DOCK4: variants seen among roughly 807,000 people sequenced by gnomAD.
DOCK4 encodes the protein dedicator of cytokinesis protein 4.
DOCK4 carries 97 observed loss-of-function variants against 268.1 expected under a neutral mutation model. The ratio of observed to expected loss-of-function variants is 0.36; its 90% CI spans 0.31 to 0.43. The LOEUF (loss-of-function observed/expected upper bound fraction) is 0.43, where lower values mean the gene tolerates loss of function less well. Ranked by LOEUF, DOCK4 falls within the 20% of genes least tolerant of loss-of-function variation. The pLI, the probability that DOCK4 is intolerant of heterozygous loss-of-function variation, is 1.00. For synonymous variants in DOCK4, 954 were observed against 887.2 expected (o/e 1.08, Z -1.34); for missense variants, 2,145 against 2,455.7 (o/e 0.87, Z 2.67).
intron 1 of DOCK4, among the ~76,000 whole-genome samples, chr7:112,024,690 T>C (rs941155347): frequency 1.3e-5 from 2 of 152,146 alleles, no homozygotes; most frequent in African/African-American, 4.8e-5. Flanking sequence ...CCTCAGTCAA[T>C]TCTCCACTGA....
At chr7:111,849,746 G>A (rs531129262) in intron 23 of DOCK4, among the ~76,000 whole-genome samples, 11 of 152,140 alleles carry the variant, frequency 7.2e-5, no homozygotes, top group Non-Finnish European at 1.0e-4. Context: ...TGGAGCAGGG[G>A]TCCCCAGAGT....
At chr7:112,063,947 T>C (rs1416669941) in intron 1 of DOCK4, among the ~76,000 whole-genome samples, 1 of 152,232 alleles carries the variant, frequency 6.6e-6, no homozygotes, top group Admixed American at 6.5e-5. Context: ...GGGCTATCTT[T>C]GAGACCTCTC....
At chr7:111,795,480 TA>T (rs1019126805) in intron 30 of DOCK4, among the ~76,000 whole-genome samples, 1 of 152,112 alleles carries the variant, frequency 6.6e-6, no homozygotes, top group African/African-American at 2.4e-5. Flanking sequence ...GGAGAAAGCC[TA>T]AGAGTACACA....
chr7:111,995,797 C>A (rs1231749734), intron 4 of DOCK4, among the ~76,000 whole-genome samples: 4 of 152,100 alleles, frequency 2.6e-5, no homozygotes. Context: ...CTCCTCATTT[C>A]GCAGTGCTGC....
At chr7:111,857,994 T>A (rs1199058591) in intron 23 of DOCK4, among the ~76,000 whole-genome samples, 2 of 152,200 alleles carry the variant, frequency 1.3e-5, no homozygotes, top group Non-Finnish European at 2.9e-5. Flanking sequence ...ACCAATCTAT[T>A]TAGATTCCAA....
intron 16 of DOCK4, among the ~76,000 whole-genome samples, chr7:111,892,934 G>T (rs1338348091): frequency 1.3e-5 from 2 of 152,174 alleles, no homozygotes; most frequent in African/African-American, 4.8e-5. Context: ...GCTACTTGGG[G>T]TTTTTTCTGT....
At chr7:111,926,953 A>G (rs942893626) in intron 12 of DOCK4, among the ~76,000 whole-genome samples, 3 of 152,220 alleles carry the variant, frequency 2.0e-5, no homozygotes, top group African/African-American at 7.2e-5. Flanking sequence ...GAAGAAAGAA[A>G]ACACTTTTAT....
intron 8 of DOCK4, among the ~76,000 whole-genome samples, chr7:111,951,365 G>A (rs1796031624): frequency 6.6e-6 from 1 of 152,156 alleles, no homozygotes; most frequent in Admixed American, 6.5e-5. Flanking sequence ...CAGTGAGAAA[G>A]CAGAAGCTAG....
intron 1 of DOCK4, among the ~76,000 whole-genome samples, chr7:112,192,880 C>T (rs1186440334): frequency 1.3e-5 from 2 of 151,890 alleles, no homozygotes; most frequent in South Asian, 4.2e-4. Context: ...AAAAAAAATG[C>T]AACAAGTAAA....
At chr7:111,869,546 T>A (rs1385714907) in intron 21 of DOCK4, 28 bp downstream of exon 21, 1 of 1,595,518 alleles carries the variant, frequency 6.3e-7, no homozygotes. Flanking sequence ...TTTGTTAGAC[T>A]CTGCTGTTAT....
At chr7:111,845,491 T>C (rs1430703971) in intron 24 of DOCK4, among the ~76,000 whole-genome samples, 2 of 152,170 alleles carry the variant, frequency 1.3e-5, no homozygotes, top group African/African-American at 4.8e-5. Flanking sequence ...GTTAATAGTA[T>C]CCACGCCCCA....
At chr7:111,829,160 A>G (rs1802623780) in intron 26 of DOCK4, among the ~76,000 whole-genome samples, 1 of 152,204 alleles carries the variant, frequency 6.6e-6, no homozygotes, top group South Asian at 2.1e-4. Context: ...CAAAACCCCA[A>G]GTAACTCTCC....
At chr7:112,098,475 C>A (rs1465760736) in intron 1 of DOCK4, among the ~76,000 whole-genome samples, 2 of 150,642 alleles carry the variant, frequency 1.3e-5, no homozygotes, top group Non-Finnish European at 3.0e-5. Context: ...CAGCGTCCAG[C>A]CTATAAATTA....
At chr7:111,933,069 TATATATACAC>T (rs1316134188) in intron 12 of DOCK4, among the ~76,000 whole-genome samples, 1 of 148,062 alleles carries the variant, frequency 6.8e-6, no homozygotes, top group African/African-American at 2.5e-5. Flanking sequence ...TATATATACA[TATATATACAC>T]ATATATATAC....
chr7:112,034,019 C>G (rs1173697625), intron 1 of DOCK4, among the ~76,000 whole-genome samples: 2 of 152,136 alleles, frequency 1.3e-5, no homozygotes, highest in East Asian at 3.9e-4. Context: ...CGTTTTGGCT[C>G]TCAGCTCTCT....
intron 1 of DOCK4, among the ~76,000 whole-genome samples, chr7:112,048,570 C>T (rs200358834): frequency 4.9e-5 from 7 of 144,014 alleles, no homozygotes; most frequent in Non-Finnish European, 1.1e-4. Context: ...CTCAAAAAAA[C>T]AAAAAAAAAC....
intron 1 of DOCK4, among the ~76,000 whole-genome samples, chr7:112,004,369 C>T (rs1011260718): frequency 2.6e-5 from 4 of 152,080 alleles, no homozygotes; most frequent in African/African-American, 9.7e-5. Flanking sequence ...AAATAATACA[C>T]AATATATCAA....
At chr7:111,821,178 A>G (rs535731261) in intron 27 of DOCK4, 11 of 152,348 alleles carry the variant, frequency 7.2e-5, no homozygotes, top group Admixed American at 6.5e-4. Flanking sequence ...AGCAGAAGCC[A>G]TATTGAGCAT....
intron 5 of DOCK4, among the ~76,000 whole-genome samples, chr7:111,992,639 C>G (rs1799627872): frequency 6.6e-6 from 1 of 152,126 alleles, no homozygotes; most frequent in Non-Finnish European, 1.5e-5. Flanking sequence ...ACATTTGAAA[C>G]CTCGAACACA....
Sources: gnomAD v4.1 joint callset for allele counts (sites outside exome capture counted in the v4.1 genomes callset) on GRCh38, gnomAD v4.1.1 for gene constraint, MANE v1.5 for transcripts, NCBI Gene and HGNC (gene_info 2026-07-23, HGNC 2026-07-21) for gene names.